Variants in MCM9 observed in about 807,000 individuals in gnomAD.
MCM9 encodes the protein DNA helicase MCM9.
In MCM9, 55 loss-of-function variants were observed where a neutral mutation model predicts 72.8. The observed-to-expected ratio is 0.76, with a 90% CI of 0.61 to 0.95. The LOEUF (loss-of-function observed/expected upper bound fraction) is 0.95, where lower values mean the gene tolerates loss of function less well. Ranked by LOEUF, MCM9 falls within the 40% of genes least tolerant of loss-of-function variation. The pLI, the probability that MCM9 is intolerant of heterozygous loss-of-function variation, is 0.00. For synonymous variants in MCM9, 480 were observed against 503.4 expected (o/e 0.95, Z 0.62); for missense variants, 1,279 against 1,377.0 (o/e 0.93, Z 1.13).
chr6:118,825,790 G>A (rs1444585698), intron 13 of MCM9, among the ~76,000 whole-genome samples: 1 of 152,154 alleles, frequency 6.6e-6, no homozygotes, highest in Non-Finnish European at 1.5e-5. Flanking sequence ...TGAGTCATTA[G>A]AAAGGTAAGT....
intron 8 of MCM9, among the ~76,000 whole-genome samples, chr6:118,881,798 T>C (rs1240541778): frequency 6.6e-6 from 1 of 152,192 alleles, no homozygotes; most frequent in Non-Finnish European, 1.5e-5. Flanking sequence ...GAAGAAACAT[T>C]TATTCATTGA....
intron 9 of MCM9, among the ~76,000 whole-genome samples, chr6:118,843,688 GTATA>G (rs766122361): frequency 0.043 from 2,753 of 63,752 alleles, 118 homozygotes; most frequent in Middle Eastern, 0.11. Context: ...ATATATATGT[GTATA>G]TATATATATA....
At chr6:118,819,244 T>A (rs944770642) in intron 13 of MCM9, among the ~76,000 whole-genome samples, 7 of 152,222 alleles carry the variant, frequency 4.6e-5, no homozygotes, top group African/African-American at 7.2e-5. Context: ...CAGTATGATA[T>A]TGGCTGTAGG....
intron 9 of MCM9, among the ~76,000 whole-genome samples, chr6:118,843,686 G>GTATGTGTGTGTGTGTATATA (rs1342376738): frequency 3.2e-5 from 1 of 31,224 alleles, no homozygotes; most frequent in African/African-American, 1.4e-4. Context: ...ATATATATAT[G>GTATGTGTGTGTGTGTATATA]TGTATATATA....
chr6:118,853,254 G>A (rs1480012245), intron 9 of MCM9, among the ~76,000 whole-genome samples: 1 of 151,956 alleles, frequency 6.6e-6, no homozygotes, highest in Non-Finnish European at 1.5e-5. Context: ...GTCTATTTCT[G>A]GACCTTTATT....
At chr6:118,904,879 C>T (rs767016376) in intron 8 of MCM9, among the ~76,000 whole-genome samples, 27 of 152,202 alleles carry the variant, frequency 1.8e-4, no homozygotes, top group Non-Finnish European at 3.5e-4. Flanking sequence ...CACTCTGTCG[C>T]CAGGCTGGAG....
intron 8 of MCM9, among the ~76,000 whole-genome samples, chr6:118,901,872 G>A (rs553065788): frequency 1.4e-4 from 22 of 152,146 alleles, no homozygotes; most frequent in African/African-American, 5.3e-4. Flanking sequence ...TTCACAGATG[G>A]GACCAATTTA....
At chr6:118,852,337 C>T (rs1438862495) in intron 9 of MCM9, among the ~76,000 whole-genome samples, 1 of 151,524 alleles carries the variant, frequency 6.6e-6, no homozygotes, top group African/African-American at 2.4e-5. Flanking sequence ...ATATGAGTAG[C>T]AAAATAATTA....
rs888996296 is a variant in MCM9, at chr6:118,894,332, G to A, written c.1150+17318C>T. Reference sequence around the variant, plus strand: ...CTGGCCGGCGCTGGAGCGGGGGTCTGCGCTCTCCCGAGCGGCCGCGCGCTG... The same window carrying A: ...CTGGCCGGCGCTGGAGCGGGGGTCTACGCTCTCCCGAGCGGCCGCGCGCTG... On this transcript the variant is annotated intron_variant, in intron 8 of 13. Transcript: ENST00000619706. 1.0e-4 allele frequency: 153 copies of A among 1,528,538 alleles called. 2 individuals carry two copies. The Admixed American group carries it at 3.0e-3, about 30-fold the overall frequency. 94.7% of individuals were successfully genotyped at this position (1,528,538 alleles called of 1,614,324 possible).
At chr6:118,828,264 T>C (rs1466857618) in intron 10 of MCM9, 134 bp from the exon 11 acceptor site, 4 of 687,970 alleles carry the variant, frequency 5.8e-6, no homozygotes, top group Non-Finnish European at 9.8e-6. Context: ...AATCTAGACT[T>C]GTCTGCATAG....
rs527804883 is a variant in MCM9 at position 118,856,563 on chromosome 6, C to A, written c.1151-18G>T. The A allele has an allele frequency of 1.3e-6, 2 of 1,534,564 alleles. No homozygotes were observed. The highest frequency in any genetic ancestry group is 2.0e-5 in the Admixed American group (1 of 50,792). Reference sequence around the variant, plus strand: ...CGTCAGACCTGAGGAAACAAGCAAGCCATATCAACTTTTATTTTCAAAAGC... The same window carrying A: ...CGTCAGACCTGAGGAAACAAGCAAGACATATCAACTTTTATTTTCAAAAGC... On this transcript the variant is annotated intron_variant, in intron 8 of 13. Coordinates refer to ENST00000619706, the MANE Select transcript of MCM9 (RefSeq NM_017696.3).
In MCM9 at chr6:118,816,056, G is replaced by A; in HGVS notation, c.2200C>T (p.His734Tyr). The change falls in exon 14 of 14, where the codon CAC (histidine) becomes TAC (tyrosine). Residue 734 changes from histidine (H) to tyrosine (Y), a missense_variant. Coordinates refer to ENST00000619706, the MANE Select transcript of MCM9 (RefSeq NM_017696.3). ...AAACTGTCATCTCTGTTATTTTTGTGCTGAGCTGAATGTTTCCTACTTGTT... is the reference window on the plus strand; with the variant it reads ...AAACTGTCATCTCTGTTATTTTTGTACTGAGCTGAATGTTTCCTACTTGTT... ...RSTSRKHSAQ[H>Y]KNNRDDSLDW... 1 of 1,550,228 alleles carries A rather than the reference G, an allele frequency of 6.5e-7. No homozygotes were observed.
intron 9 of MCM9, among the ~76,000 whole-genome samples, chr6:118,850,009 A>C (rs1261319816): frequency 6.6e-6 from 1 of 151,950 alleles, no homozygotes; most frequent in Non-Finnish European, 1.5e-5. Context: ...TATAGGTTTG[A>C]CTTTGTTAAA....
At position 118,829,306 on chromosome 6, in the gene MCM9, T is replaced by C. The variant is rs547298493; in HGVS notation, c.1326-56A>G. 59 of 1,452,946 alleles carry C rather than the reference T, an allele frequency of 4.1e-5. 1 individual carries two copies. In the Admixed American group the frequency reaches 1.4e-3, roughly 33 times the overall value. 90.0% of individuals were successfully genotyped at this position (1,452,946 alleles called of 1,614,324 possible). On this transcript the variant is annotated intron_variant, in intron 9 of 13. Transcript: ENST00000619706. ...TGTGAGGTTCAGATAAAATGCAAGA[T>C]TACAGCTGTTAATAAAATGGGGCTG...
rs368648143 is a variant in MCM9 at position 118,817,383 on chromosome 6, G to A, written c.1962-1089C>T. Among the ~76,000 whole-genome samples the A allele has an allele frequency of 1.3e-4, 20 of 151,952 alleles. No individual in the cohort carries two copies. In the East Asian group the frequency reaches 2.9e-3, roughly 22 times the overall value. ...AATTCCCACTTATGAGTGAGAACAT[G>A]TGGTGTTTGGTTTTCTGTTCCTGTG... On this transcript the variant is annotated intron_variant, in intron 13 of 13. Coordinates refer to ENST00000619706, the MANE Select transcript of MCM9 (RefSeq NM_017696.3).
At chr6:118,876,817 T>G (rs759176880) in intron 8 of MCM9, among the ~76,000 whole-genome samples, 2 of 152,132 alleles carry the variant, frequency 1.3e-5, no homozygotes, top group Non-Finnish European at 2.9e-5. Context: ...AAACAAAACC[T>G]CACTGAAAAA....
chr6:118,830,158 G>A (rs931403896), intron 9 of MCM9, among the ~76,000 whole-genome samples: 25 of 152,256 alleles, frequency 1.6e-4, no homozygotes, highest in African/African-American at 5.8e-4. Flanking sequence ...AAAATAATGT[G>A]ACATATTCAT....
At chr6:118,897,536 C>T (rs781190065) in intron 8 of MCM9, among the ~76,000 whole-genome samples, 11 of 152,054 alleles carry the variant, frequency 7.2e-5, no homozygotes, top group African/African-American at 1.2e-4. Context: ...CCAACTTCAG[C>T]TTGTTCTAAT....
At chr6:118,905,719 CTTG>C (rs1263379601) in intron 8 of MCM9, 1 of 1,613,602 alleles carries the variant, frequency 6.2e-7, no homozygotes, top group Non-Finnish European at 8.5e-7. Context: ...GTGCTAATTA[CTTG>C]TACCTATCGA....
Sources: gnomAD v4.1 joint callset for allele counts (sites outside exome capture counted in the v4.1 genomes callset) on GRCh38, gnomAD v4.1.1 for gene constraint, MANE v1.5 for transcripts, NCBI Gene and HGNC (gene_info 2026-07-23, HGNC 2026-07-21) for gene names.